Variants in UBAC2 observed in about 807,000 individuals in gnomAD.
The protein encoded by UBAC2 is ubiquitin-associated domain-containing protein 2.
A neutral mutation model predicts 44.0 loss-of-function variants in UBAC2; 26 were observed. The observed-to-expected ratio is 0.59, with a 90% confidence interval of 0.43 to 0.82. UBAC2 has a LOEUF of 0.82. Ranked by LOEUF, UBAC2 falls within the 40% of genes least tolerant of loss-of-function variation. UBAC2 has a pLI of 0.00. For missense variants in UBAC2, 329 were observed against 419.4 expected, an observed-to-expected ratio of 0.78 and a Z score of 1.88; for synonymous variants, 155 against 154.3, an observed-to-expected ratio of 1.00 and a Z score of -0.04.
At chr13:99,243,798 C>T (rs1028614536) in intron 2 of UBAC2, 34 bp from the exon 3 acceptor site, 3 of 1,540,266 alleles carry the variant, frequency 1.9e-6, no homozygotes, top group African/African-American at 2.8e-5. Context: ...AAATTTTACT[C>T]TTGTTTATTG....
rs766632532 is a variant in UBAC2 at position 99,345,741 on chromosome 13, CTTTTTTTT to C, written c.807+5188_807+5195del. Among the ~76,000 whole-genome samples, 10 of 130,944 alleles carry C rather than the reference CTTTTTTTT, an allele frequency of 7.6e-5. No homozygotes were observed. In the South Asian group the frequency reaches 2.4e-3, roughly 31 times the overall value. 85.9% of individuals were successfully genotyped at this position (130,944 alleles called of 152,430 possible). A position where few individuals can be genotyped will look rare whatever the true frequency, so the allele number is the denominator to read the frequency against. ...ACAGGTACTGTTTCTTTTTTTCTTT[CTTTTTTTT>C]TTTTTTTTTTTGAGACAGAGTCTTG... On this transcript the variant is annotated intron_variant, in intron 7 of 8. Coordinates refer to ENST00000403766, the MANE Select transcript of UBAC2 (RefSeq NM_001144072.2).
intron 4 of UBAC2, among the ~76,000 whole-genome samples, chr13:99,268,630 A>AG (rs1555325443): frequency 4.3e-5 from 6 of 140,806 alleles, no homozygotes; most frequent in Admixed American, 2.1e-4. Flanking sequence ...AAAAAAAAAA[A>AG]AAAAGAAACA....
intron 6 of UBAC2, among the ~76,000 whole-genome samples, chr13:99,327,482 C>G (rs774125037): frequency 3.5e-4 from 52 of 150,332 alleles, no homozygotes; most frequent in Admixed American, 5.3e-4. Flanking sequence ...TTCTCTCTCT[C>G]TCTGTGTGTG....
At chr13:99,209,092 A>G (rs949354790) in intron 1 of UBAC2, among the ~76,000 whole-genome samples, 2 of 152,214 alleles carry the variant, frequency 1.3e-5, no homozygotes, top group Admixed American at 6.5e-5. Context: ...CTGGCTGTGC[A>G]TGTGGGTCCC....
chr13:99,360,193 G>T (rs989768473), intron 7 of UBAC2, among the ~76,000 whole-genome samples: 1 of 152,168 alleles, frequency 6.6e-6, no homozygotes, highest in African/African-American at 2.4e-5. Context: ...AATATGTTCA[G>T]GTCTTCCATC....
intron 4 of UBAC2, among the ~76,000 whole-genome samples, chr13:99,281,745 C>A (rs1291320737): frequency 6.6e-6 from 1 of 152,172 alleles, no homozygotes; most frequent in African/African-American, 2.4e-5. Context: ...ATCATTTTAA[C>A]AAGATTTTAG....
chr13:99,298,271 C>T (rs1279618070), intron 4 of UBAC2, among the ~76,000 whole-genome samples: 1 of 152,166 alleles, frequency 6.6e-6, no homozygotes, highest in African/African-American at 2.4e-5. Context: ...CACCAGAAGA[C>T]TCAAAGCTTT....
At chr13:99,346,918 GAGCATA>G in intron 7 of UBAC2, among the ~76,000 whole-genome samples, 1 of 146,820 alleles carries the variant, frequency 6.8e-6, no homozygotes, top group Non-Finnish European at 1.5e-5. Context: ...GAGCAAATAT[GAGCATA>G]ATAAATAGAT....
At chr13:99,315,618 GC>G (rs2044477984) in intron 5 of UBAC2, among the ~76,000 whole-genome samples, 1 of 152,058 alleles carries the variant, frequency 6.6e-6, no homozygotes, top group South Asian at 2.1e-4. Context: ...CTTTTTCTGA[GC>G]CCCCATTTCC....
chr13:99,218,530 T>C (rs2043021942), intron 1 of UBAC2, among the ~76,000 whole-genome samples: 1 of 152,016 alleles, frequency 6.6e-6, no homozygotes, highest in Non-Finnish European at 1.5e-5. Flanking sequence ...CTTAGCACTT[T>C]CTCCTGCTTA....
At chr13:99,254,764 A>G (rs2043510899) in intron 4 of UBAC2, 9 of 768,868 alleles carry the variant, frequency 1.2e-5, no homozygotes, top group Non-Finnish European at 1.8e-5. Flanking sequence ...AAGATAATGA[A>G]TTTATTTTTT....
At chr13:99,311,845 G>C (rs1008350629) in intron 4 of UBAC2, among the ~76,000 whole-genome samples, 1 of 152,234 alleles carries the variant, frequency 6.6e-6, no homozygotes, top group African/African-American at 2.4e-5. Flanking sequence ...GGGGTGCTCA[G>C]CCTGGGAAGA....
At chr13:99,209,327 C>G (rs2042912607) in intron 1 of UBAC2, among the ~76,000 whole-genome samples, 1 of 152,198 alleles carries the variant, frequency 6.6e-6, no homozygotes, top group Admixed American at 6.5e-5. Context: ...CTGTCTGTAG[C>G]CCTGACCTGG....
At position 99,339,966 on chromosome 13, in the gene UBAC2, G is replaced by A. The variant is rs139223843; in HGVS notation, c.562-354G>A. ...TGGCCATCTGCCAACAAAGGTAACC[G>A]CAGAGTCAGTACAGTGTGAAAGTGT... On this transcript the variant is annotated intron_variant, in intron 6 of 8. Coordinates refer to ENST00000403766, the MANE Select transcript of UBAC2 (RefSeq NM_001144072.2). Among the ~76,000 whole-genome samples the A allele has an allele frequency of 2.3e-3, 348 of 152,312 alleles. 2 individuals are homozygous for A. The highest frequency in any genetic ancestry group is 7.7e-3 in the African/African-American group (320 of 41,560).
chr13:99,207,855 A>G (rs567379096), intron 1 of UBAC2, among the ~76,000 whole-genome samples: 1 of 152,296 alleles, frequency 6.6e-6, no homozygotes, highest in African/African-American at 2.4e-5. Flanking sequence ...AATGGACACC[A>G]ACATTGACTC....
At chr13:99,202,240 G>T (rs998705450) in intron 1 of UBAC2, among the ~76,000 whole-genome samples, 1 of 152,170 alleles carries the variant, frequency 6.6e-6, no homozygotes, top group Non-Finnish European at 1.5e-5. Context: ...CAATATTTAT[G>T]ATTTCCTTTG....
chr13:99,227,966 A>G (rs2043129370), intron 1 of UBAC2, among the ~76,000 whole-genome samples: 1 of 152,214 alleles, frequency 6.6e-6, no homozygotes, highest in Non-Finnish European at 1.5e-5. Context: ...ATCAGTGGAA[A>G]TGCTGGTCAG....
intron 4 of UBAC2, among the ~76,000 whole-genome samples, chr13:99,276,117 T>C (rs2043878634): frequency 6.6e-6 from 1 of 152,192 alleles, no homozygotes; most frequent in East Asian, 1.9e-4. Context: ...TTCTAAATAA[T>C]AAATCTCCAG....
chr13:99,346,779 AC>A (rs2044990023), intron 7 of UBAC2, among the ~76,000 whole-genome samples: 1 of 151,992 alleles, frequency 6.6e-6, no homozygotes, highest in South Asian at 2.1e-4. Context: ...GGCACCGCAA[AC>A]CCGATGTTCA....
Sources: gnomAD v4.1 joint callset for allele counts (sites outside exome capture counted in the v4.1 genomes callset) on GRCh38, gnomAD v4.1.1 for gene constraint, MANE v1.5 for transcripts, NCBI Gene and HGNC (gene_info 2026-07-23, HGNC 2026-07-21) for gene names.